The following FAM78B variants were observed in gnomAD, a reference collection of about 807,000 sequenced individuals.
FAM78B encodes protein FAM78B.
A neutral mutation model predicts 20.0 loss-of-function variants in FAM78B; 10 were observed. The ratio of observed to expected loss-of-function variants is 0.50; its 90% CI spans 0.31 to 0.85. The LOEUF (loss-of-function observed/expected upper bound fraction) is 0.85. FAM78B is among the 40% of genes least tolerant of loss of function. FAM78B has a pLI of 0.05. For missense variants in FAM78B, 283 were observed against 345.0 expected (o/e 0.82, Z 1.42); for synonymous variants, 135 against 132.8 (o/e 1.02, Z -0.12).
chr1:166,141,694 T>G (rs920536049), intron 1 of FAM78B, among the ~76,000 whole-genome samples: 2 of 152,220 alleles, frequency 1.3e-5, no homozygotes, highest in Admixed American at 6.5e-5. Flanking sequence ...ATGTGAGGCC[T>G]GTCAAAGGCT....
intron 1 of FAM78B, among the ~76,000 whole-genome samples, chr1:166,091,941 C>T (rs927146488): frequency 6.6e-5 from 10 of 151,768 alleles, no homozygotes; most frequent in African/African-American, 2.4e-4. Context: ...CATTCTGTTA[C>T]GTTTTCTACC....
chr1:166,139,111 A>G (rs1324921460), intron 1 of FAM78B, among the ~76,000 whole-genome samples: 1 of 152,210 alleles, frequency 6.6e-6, no homozygotes, highest in African/African-American at 2.4e-5. Flanking sequence ...TTTTCTAGCT[A>G]GCCCACACTC....
chr1:166,165,329 G>C (rs922782106), intron 1 of FAM78B, among the ~76,000 whole-genome samples: 1 of 152,172 alleles, frequency 6.6e-6, no homozygotes, highest in Non-Finnish European at 1.5e-5. Flanking sequence ...CTTCTTGGCC[G>C]GGACGCACTC....
At chr1:166,106,400 TAA>T (rs971727798) in intron 1 of FAM78B, among the ~76,000 whole-genome samples, 45 of 148,416 alleles carry the variant, frequency 3.0e-4, no homozygotes, top group African/African-American at 1.1e-3. Flanking sequence ...CTATACAGTA[TAA>T]AAAAGAATGA....
rs187411676 is a variant in FAM78B at position 166,062,900 on chromosome 1, T to C, written c.*410-2237A>G. On this transcript the variant is annotated intron_variant and NMD_transcript_variant, in intron 2 of 2. Transcript: ENST00000435676. ...GGCGGGGTGAAGGGACAAGAGCAGA[T>C]GGAGAGATAACCAGCTGTTTCTTTC... Among the ~76,000 whole-genome samples, 300 of 152,340 alleles carry C rather than the reference T, an allele frequency of 2.0e-3. 3 individuals are homozygous for C. The highest frequency in any genetic ancestry group is 2.0e-3 in the Non-Finnish European group (139 of 68,034).
chr1:166,108,199 A>G (rs1653863409), intron 1 of FAM78B, among the ~76,000 whole-genome samples: 1 of 152,194 alleles, frequency 6.6e-6, no homozygotes, highest in South Asian at 2.1e-4. Context: ...AGAGGAAGTC[A>G]AACTGTCACT....
At chr1:166,095,324 C>A (rs1653236512) in intron 1 of FAM78B, among the ~76,000 whole-genome samples, 2 of 151,758 alleles carry the variant, frequency 1.3e-5, no homozygotes. Flanking sequence ...GAGTGCAAAG[C>A]TATCATGGGT....
chr1:166,136,436 G>T (rs936108767), intron 1 of FAM78B, among the ~76,000 whole-genome samples: 2 of 152,120 alleles, frequency 1.3e-5, no homozygotes, highest in African/African-American at 4.8e-5. Context: ...GATCAGTGAC[G>T]TAGGTAACAG....
chr1:166,069,266 A>G (rs1047762352), downstream of FAM78B, among the ~76,000 whole-genome samples: 1 of 151,214 alleles, frequency 6.6e-6, no homozygotes, highest in Non-Finnish European at 1.5e-5. Context: ...TGTCCATTCC[A>G]TATGTTCAGA....
chr1:166,085,724 A>G (rs1271055804), intron 1 of FAM78B, among the ~76,000 whole-genome samples: 2 of 152,174 alleles, frequency 1.3e-5, no homozygotes, highest in Admixed American at 6.5e-5. Flanking sequence ...AGTGACTATG[A>G]CCAGAAAGAA....
At chr1:166,165,899 T>A in intron 1 of FAM78B, 87 bp downstream of exon 1, 1 of 1,482,514 alleles carries the variant, frequency 6.7e-7, no homozygotes, top group South Asian at 1.2e-5. Context: ...GGGACAGCAG[T>A]AGGAAGGAGC....
chr1:166,075,691 C>G (rs1194474367), intron 1 of FAM78B, among the ~76,000 whole-genome samples: 1 of 152,218 alleles, frequency 6.6e-6, no homozygotes, highest in Non-Finnish European at 1.5e-5. Flanking sequence ...TTTGCTAGTT[C>G]TGCCTCATCT....
At chr1:166,132,027 T>TATAAAAGGCAAGGCCTA (rs1298275980) in intron 1 of FAM78B, among the ~76,000 whole-genome samples, 1 of 152,174 alleles carries the variant, frequency 6.6e-6, no homozygotes, top group African/African-American at 2.4e-5. Context: ...AGGAAGGCCA[T>TATAAAAGGCAAGGCCTA]ATAAAAGGCA....
chr1:166,109,954 T>G (rs1653986915), intron 1 of FAM78B, among the ~76,000 whole-genome samples: 1 of 135,818 alleles, frequency 7.4e-6, no homozygotes, highest in Admixed American at 7.4e-5. Context: ...AGGGAATGAA[T>G]TAACAGCATT....
In FAM78B at chr1:166,069,389, T is replaced by C. The variant is rs530154314; in HGVS notation, c.*852A>G. ...AACTTTTTAAATATAAATTTAGGGC[T>C]AATCATGGGAACAGAATAAGCAGCT... On this transcript the variant is annotated 3_prime_UTR_variant, in exon 2 of 2. Transcript: ENST00000354422. 14 of 152,326 alleles carry C rather than the reference T, an allele frequency of 9.2e-5. No homozygotes were observed. The highest frequency in any genetic ancestry group is 3.1e-4 in the African/African-American group (13 of 41,550). The allele number at this position is 152,326 out of a possible 1,614,324, so 9.4% of individuals were successfully genotyped here. A position where few individuals can be genotyped will look rare whatever the true frequency, so the allele number is the denominator to read the frequency against.
intron 1 of FAM78B, among the ~76,000 whole-genome samples, chr1:166,087,889 A>G (rs1489189920): frequency 6.6e-6 from 1 of 152,196 alleles, no homozygotes; most frequent in African/African-American, 2.4e-5. Flanking sequence ...CATAAGCCGT[A>G]AGTAAATGAC....
chr1:166,118,977 G>T (rs533556217), intron 1 of FAM78B, among the ~76,000 whole-genome samples: 20 of 152,218 alleles, frequency 1.3e-4, no homozygotes, highest in African/African-American at 4.6e-4. Flanking sequence ...CTGGCCCAGG[G>T]TCACTACGCC....
intron 1 of FAM78B, among the ~76,000 whole-genome samples, chr1:166,083,625 C>G (rs1481781356): frequency 6.6e-6 from 1 of 152,194 alleles, no homozygotes; most frequent in Non-Finnish European, 1.5e-5. Flanking sequence ...CTGCCTCAGC[C>G]TCCGGAGTAG....
At chr1:166,068,025 G>A (rs1467580177), downstream of FAM78B, among the ~76,000 whole-genome samples, 3 of 152,154 alleles carry the variant, frequency 2.0e-5, no homozygotes, top group African/African-American at 7.2e-5. Flanking sequence ...TAATGCACTA[G>A]GGGAATTTGC....
Sources: gnomAD v4.1 joint callset for allele counts (sites outside exome capture counted in the v4.1 genomes callset) on GRCh38, gnomAD v4.1.1 for gene constraint, MANE v1.5 for transcripts, NCBI Gene and HGNC (gene_info 2026-07-23, HGNC 2026-07-21) for gene names.